The following HIVEP3 variants were observed in gnomAD, a reference collection of about 807,000 sequenced individuals.
HIVEP3 encodes transcription factor HIVEP3.
A neutral mutation model predicts 152.8 loss-of-function variants in HIVEP3; 49 were observed. The ratio of observed to expected loss-of-function variants is 0.32; its 90% CI spans 0.26 to 0.41. HIVEP3 has a LOEUF of 0.41. Ranked by LOEUF, HIVEP3 falls within the 10% of genes least tolerant of loss-of-function variation. The pLI is 1.00. For synonymous variants in HIVEP3, 1,269 were observed against 1,289.0 expected (o/e 0.98, Z 0.33); for missense variants, 2,790 against 3,103.3 (o/e 0.90, Z 2.40).
chr1:41,603,722 T>C (rs1644778731), intron 3 of HIVEP3, among the ~76,000 whole-genome samples: 1 of 152,254 alleles, frequency 6.6e-6, no homozygotes, highest in Non-Finnish European at 1.5e-5. Flanking sequence ...GCTTTCAATC[T>C]TAAATTTGTT....
chr1:41,605,470 T>C (rs1644810281), intron 3 of HIVEP3, among the ~76,000 whole-genome samples: 1 of 152,104 alleles, frequency 6.6e-6, no homozygotes, highest in Non-Finnish European at 1.5e-5. Flanking sequence ...TGTACATAAC[T>C]GTATGTATGT....
intron 1 of HIVEP3, among the ~76,000 whole-genome samples, chr1:41,706,859 G>A (rs779520072): frequency 1.3e-5 from 2 of 152,112 alleles, no homozygotes; most frequent in East Asian, 1.9e-4. Context: ...CCTGGTTATT[G>A]GTCCTCTAAC....
chr1:41,860,433 A>G (rs527648947), intron 1 of HIVEP3, among the ~76,000 whole-genome samples: 80 of 152,200 alleles, frequency 5.3e-4, no homozygotes, highest in Non-Finnish European at 1.0e-3. Context: ...GCTTTGGTAC[A>G]AGAATTTGAC....
chr1:41,611,919 C>T (rs1382095762), intron 3 of HIVEP3, among the ~76,000 whole-genome samples: 1 of 152,208 alleles, frequency 6.6e-6, no homozygotes, highest in African/African-American at 2.4e-5. Flanking sequence ...CTGATTCTGG[C>T]CCCAGATGAA....
At chr1:41,669,627 T>C (rs936586077) in intron 2 of HIVEP3, among the ~76,000 whole-genome samples, 1 of 152,192 alleles carries the variant, frequency 6.6e-6, no homozygotes, top group African/African-American at 2.4e-5. Flanking sequence ...GGTCTTTTCC[T>C]GCCTTTGCAC....
intron 1 of HIVEP3, among the ~76,000 whole-genome samples, chr1:41,903,020 G>C (rs1644651784): frequency 6.6e-6 from 1 of 152,074 alleles, no homozygotes; most frequent in Non-Finnish European, 1.5e-5. Context: ...GGATAACTTG[G>C]GTTACATTCC....
At position 41,510,430 on chromosome 1, in the gene HIVEP3, G is replaced by A. The variant is rs374462380; in HGVS notation, c.*21C>T. On this transcript the variant is annotated 3_prime_UTR_variant, in exon 9 of 9. Transcript: ENST00000372583. ...TGTTGCTGGACACTGGAAGCCAGAT[G>A]CTGAAGCAGTTGGAGAGAGGCTAAG... 2.1e-6 allele frequency: 3 copies of A among 1,455,612 alleles called. No individual in the cohort carries two copies. Among genetic ancestry groups the A allele is most frequent in the Non-Finnish European group, 2.7e-6 (3 of 1,101,700 alleles). 90.2% of individuals were successfully genotyped at this position (1,455,612 alleles called of 1,614,324 possible). A position where few individuals can be genotyped will look rare whatever the true frequency, so the allele number is the denominator to read the frequency against.
intron 1 of HIVEP3, among the ~76,000 whole-genome samples, chr1:41,779,966 A>T (rs1648943529): frequency 2.0e-5 from 3 of 152,174 alleles, no homozygotes; most frequent in Admixed American, 2.0e-4. Context: ...TCACTTCCAC[A>T]AGGAGATCAT....
chr1:41,646,083 G>C (rs1478644349), intron 2 of HIVEP3, among the ~76,000 whole-genome samples: 1 of 152,180 alleles, frequency 6.6e-6, no homozygotes, highest in Non-Finnish European at 1.5e-5. Context: ...GAAGTCAGGA[G>C]AAGGGGGCTT....
intron 3 of HIVEP3, among the ~76,000 whole-genome samples, chr1:41,610,306 C>T (rs988851929): frequency 2.0e-5 from 3 of 152,236 alleles, no homozygotes; most frequent in African/African-American, 7.2e-5. Context: ...ACCTTAGACA[C>T]TTTGCTGCTA....
At chr1:41,747,788 A>G (rs2124217724) in intron 1 of HIVEP3, among the ~76,000 whole-genome samples, 1 of 152,334 alleles carries the variant, frequency 6.6e-6, no homozygotes, top group East Asian at 1.9e-4. Flanking sequence ...CTGATAGACT[A>G]TTGCTGGTTT....
chr1:41,635,908 AGG>A (rs1356612620), intron 2 of HIVEP3, among the ~76,000 whole-genome samples: 1 of 152,228 alleles, frequency 6.6e-6, no homozygotes, highest in Non-Finnish European at 1.5e-5. Context: ...GAGAAAACCT[AGG>A]TAGACTCTAA....
At chr1:41,843,667 G>C (rs968479451) in intron 1 of HIVEP3, among the ~76,000 whole-genome samples, 5 of 151,866 alleles carry the variant, frequency 3.3e-5, no homozygotes, top group African/African-American at 1.2e-4. Context: ...AAAAGTAAAA[G>C]AGAAAAGGCT....
chr1:41,697,653 TTGGGAG>T (rs1646297334), intron 2 of HIVEP3, among the ~76,000 whole-genome samples: 3 of 152,130 alleles, frequency 2.0e-5, no homozygotes, highest in Non-Finnish European at 4.4e-5. Context: ...TTCCAGTGCT[TTGGGAG>T]GGGCAGCACC....
chr1:41,622,947 A>C (rs959238092), intron 3 of HIVEP3, among the ~76,000 whole-genome samples: 4 of 152,220 alleles, frequency 2.6e-5, no homozygotes, highest in African/African-American at 9.6e-5. Context: ...TAACTGCTGG[A>C]TATAGCTAGA....
chr1:41,689,254 C>T (rs1277137524), intron 2 of HIVEP3, among the ~76,000 whole-genome samples: 3 of 152,258 alleles, frequency 2.0e-5, no homozygotes, highest in Non-Finnish European at 4.4e-5. Context: ...CCTCAACCCC[C>T]TGCTGGTAGG....
intron 5 of HIVEP3, among the ~76,000 whole-genome samples, chr1:41,562,572 TCTTTTCC>T (rs1644085474): frequency 6.7e-6 from 1 of 150,150 alleles, no homozygotes; most frequent in South Asian, 2.2e-4. Flanking sequence ...CTTCTTTCCT[TCTTTTCC>T]TTCCTTCCTT....
chr1:42,018,512 T>C (rs181006099), intron 1 of HIVEP3, among the ~76,000 whole-genome samples: 1 of 152,140 alleles, frequency 6.6e-6, no homozygotes, highest in African/African-American at 2.4e-5. Flanking sequence ...GTCAACTTTG[T>C]CATAAATCAA....
At chr1:41,991,383 A>C (rs1645359906) in intron 1 of HIVEP3, among the ~76,000 whole-genome samples, 1 of 151,688 alleles carries the variant, frequency 6.6e-6, no homozygotes, top group Admixed American at 6.6e-5. Context: ...TACGCAAATA[A>C]ACTAGAAAAT....
Sources: allele counts gnomAD v4.1 joint callset (sites outside exome capture counted in the v4.1 genomes callset), GRCh38; gene constraint gnomAD v4.1.1; transcripts MANE v1.5; gene names NCBI Gene and HGNC (gene_info 2026-07-23, HGNC 2026-07-21).